SESN2: variants seen among roughly 807,000 people sequenced by gnomAD.
SESN2 encodes sestrin-2.
SESN2 carries 42 observed loss-of-function variants against 56.0 expected under a neutral mutation model. That is an observed-to-expected ratio of 0.75 (90% CI 0.59 to 0.97). The LOEUF (loss-of-function observed/expected upper bound fraction) is 0.97. Ranked by LOEUF, SESN2 falls within the 50% of genes least tolerant of loss-of-function variation. The pLI is 0.00. For missense variants in SESN2, 507 were observed against 649.4 expected (o/e 0.78, Z 2.38); for synonymous variants, 264 against 267.1 (o/e 0.99, Z 0.11).
At chr1:28,259,960 C>A in intron 1 of SESN2, 23 bp downstream of exon 1, 1 of 1,486,680 alleles carries the variant, frequency 6.7e-7, no homozygotes. Context: ...CGCGCGACGC[C>A]CCTCTTCCCT....
intron 1 of SESN2, among the ~76,000 whole-genome samples, chr1:28,264,330 GA>G (rs1225656508): frequency 1.3e-5 from 2 of 150,068 alleles, no homozygotes; most frequent in African/African-American, 2.4e-5. Flanking sequence ...AAGAAAAAAA[GA>G]AAAAAAAAGA....
chr1:28,265,018 C>T (rs1468554826), intron 1 of SESN2, among the ~76,000 whole-genome samples: 2 of 152,220 alleles, frequency 1.3e-5, no homozygotes, highest in Non-Finnish European at 2.9e-5. Flanking sequence ...CTGCTACTGC[C>T]TTCCTGCCTG....
chr1:28,277,107 G>T (rs893866200), intron 8 of SESN2, among the ~76,000 whole-genome samples: 19 of 150,814 alleles, frequency 1.3e-4, no homozygotes, highest in African/African-American at 4.6e-4. Context: ...TGGGGTTTCA[G>T]CCTGGTAGCC....
chr1:28,269,986 T>A (rs17163090), intron 2 of SESN2, among the ~76,000 whole-genome samples: 10,569 of 152,210 alleles, frequency 0.069, 510 homozygotes, highest in African/African-American at 0.14. Context: ...GATAGTGGAG[T>A]TACCTTCAAA....
chr1:28,260,636 G>C (rs1423380502), intron 1 of SESN2, among the ~76,000 whole-genome samples: 1 of 152,184 alleles, frequency 6.6e-6, no homozygotes, highest in East Asian at 1.9e-4. Context: ...TGCTAAGTAA[G>C]TGGTCTGAAG....
At chr1:28,268,652 C>T (rs1356464506) in intron 1 of SESN2, among the ~76,000 whole-genome samples, 6 of 144,582 alleles carry the variant, frequency 4.1e-5, no homozygotes, top group African/African-American at 7.7e-5. Context: ...GCAACAAGAG[C>T]GATACTCCGT....
At chr1:28,265,054 C>A (rs1221674471) in intron 1 of SESN2, among the ~76,000 whole-genome samples, 1 of 152,232 alleles carries the variant, frequency 6.6e-6, no homozygotes, top group Admixed American at 6.5e-5. Flanking sequence ...GTTGACCTCT[C>A]TGAGCCTTGT....
intron 1 of SESN2, among the ~76,000 whole-genome samples, chr1:28,268,716 AAGG>A (rs892175580): frequency 7.9e-5 from 12 of 151,202 alleles, no homozygotes; most frequent in East Asian, 2.0e-4. Flanking sequence ...AGGAAGGAAG[AAGG>A]AGGAGGAGGA....
intron 8 of SESN2, among the ~76,000 whole-genome samples, chr1:28,276,637 T>C (rs1003822355): frequency 5.9e-5 from 8 of 134,794 alleles, no homozygotes; most frequent in African/African-American, 2.2e-4. Flanking sequence ...TGGAGTGCAA[T>C]GGGGTGATCT....
intron 9 of SESN2, among the ~76,000 whole-genome samples, chr1:28,280,001 T>C (rs1648179211): frequency 6.6e-6 from 1 of 152,062 alleles, no homozygotes. Flanking sequence ...ACACACCACC[T>C]GATTTTTTAA....
chr1:28,271,890 G>A lies in SESN2; in HGVS notation c.354+19G>A, dbSNP rs1185162387. ...CATCATGGTGAGCCTCTCTGGGCCT[G>A]ACACTTGGAGAGGTGGCTTTGTGGT... On this transcript the variant is annotated intron_variant, in intron 3 of 9. Transcript: ENST00000253063. 1 of 1,611,988 alleles carries A rather than the reference G, an allele frequency of 6.2e-7. No homozygotes were observed. Among genetic ancestry groups the A allele is most frequent in the Non-Finnish European group, 8.5e-7 (1 of 1,178,424 alleles).
At chr1:28,274,187 T>G in intron 7 of SESN2, 29 bp downstream of exon 7, 30 of 1,323,468 alleles carry the variant, frequency 2.3e-5, no homozygotes, top group Non-Finnish European at 2.9e-5. Flanking sequence ...GTCTTGGCCA[T>G]TGCTCCACAT....
At chr1:28,274,006 C>G (rs759954285) in intron 6 of SESN2, 34 bp from the exon 7 acceptor site, 20 of 1,389,712 alleles carry the variant, frequency 1.4e-5, no homozygotes, top group Non-Finnish European at 1.7e-5. Context: ...TGCCCCATGC[C>G]TCAGCCTCAC....
chr1:28,273,948 T>C, intron 6 of SESN2, 92 bp from the exon 7 acceptor site: 1 of 860,574 alleles, frequency 1.2e-6, no homozygotes, highest in Non-Finnish European at 1.9e-6. Context: ...CCCTCTATTC[T>C]GCCTTCCCCT....
chr1:28,261,039 G>T (rs897334727), intron 1 of SESN2, among the ~76,000 whole-genome samples: 7 of 152,178 alleles, frequency 4.6e-5, no homozygotes, highest in African/African-American at 1.7e-4. Flanking sequence ...TGATTTCGGA[G>T]ATTGCACGGC....
chr1:28,277,118 A>G (rs954850750), intron 8 of SESN2, among the ~76,000 whole-genome samples: 1 of 150,716 alleles, frequency 6.6e-6, no homozygotes, highest in Non-Finnish European at 1.5e-5. Flanking sequence ...CCTGGTAGCC[A>G]GGATGGTCTT....
chr1:28,271,696 G>A lies in SESN2; in HGVS notation c.179G>A (p.Ser60Asn). ...CAGGTCCTTCGGGAGGGGGCTGAGA[G>A]CCTCGAGCAGCACCTGGGGCTGGAG... ...VEEVLREGAE[S>N]LEQHLGLEAL... is the part of the protein sequence containing the mutation. Residue 60 changes from serine to asparagine, a missense_variant, in exon 3 of 10, where the codon AGC (serine) becomes AAC (asparagine). Physicochemically the swap from Ser to Asn is conservative, Grantham distance 46. Coordinates refer to ENST00000253063, the MANE Select transcript of SESN2 (RefSeq NM_031459.5). 1 of 1,614,194 alleles carries A rather than the reference G, an allele frequency of 6.2e-7. No individual in the cohort carries two copies. Among genetic ancestry groups the A allele is most frequent in the Non-Finnish European group, 8.5e-7 (1 of 1,180,032 alleles).
intron 5 of SESN2, 38 bp from the exon 6 acceptor site, chr1:28,273,320 A>T: frequency 6.6e-7 from 1 of 1,517,066 alleles, no homozygotes; most frequent in South Asian, 1.3e-5. Context: ...AGGCTGAAGG[A>T]GGAGGAGTAG....
intron 2 of SESN2, among the ~76,000 whole-genome samples, chr1:28,270,077 C>A (rs186927537): frequency 2.2e-4 from 33 of 152,288 alleles, no homozygotes; most frequent in Middle Eastern, 3.4e-3. Context: ...TTTTGCCGGC[C>A]GCAGTGGCTC....
Sources: allele counts gnomAD v4.1 joint callset (sites outside exome capture counted in the v4.1 genomes callset), GRCh38; gene constraint gnomAD v4.1.1; transcripts MANE v1.5; gene names NCBI Gene and HGNC (gene_info 2026-07-23, HGNC 2026-07-21).